Variants in WRNIP1 observed in about 807,000 individuals in gnomAD.
The protein encoded by WRNIP1 is WRN helicase interacting protein 1, also known as ATPase WRNIP1.
Under a neutral mutation model 56.1 loss-of-function variants are expected in WRNIP1, and 41 were observed. The observed-to-expected ratio is 0.73, with a 90% CI of 0.57 to 0.95. WRNIP1 has a LOEUF of 0.95. Ranked by LOEUF, WRNIP1 falls within the 40% of genes least tolerant of loss-of-function variation. The pLI, the probability that WRNIP1 is intolerant of heterozygous loss-of-function variation, is 0.00. For synonymous variants in WRNIP1, 547 were observed against 398.1 expected (o/e 1.37, Z -4.45); for missense variants, 1,170 against 939.4 (o/e 1.25, Z -3.21).
At chr6:2,782,157 C>T (rs569040714) in intron 4 of WRNIP1, among the ~76,000 whole-genome samples, 39 of 152,356 alleles carry the variant, frequency 2.6e-4, no homozygotes, top group Admixed American at 2.1e-3. Context: ...TGCAGAGGAG[C>T]AGAGCGTAGC....
Position 2,766,380 on chromosome 6 carries a change from G to C in WRNIP1, c.758G>C (p.Arg253Pro), listed in dbSNP as rs142432834. ...SKAVGQDTLL[R>P]SLLETNEIPS... ...GCCGTGGGCCAGGATACCCTGCTGC[G>C]CTCGCTCCTGGAGACCAACGAAATC... is the stretch of plus-strand genomic sequence containing the variant. The change falls in exon 1 of 7, where the codon CGC becomes CCC. Residue 253 changes from arginine (R) to proline (P), a missense_variant. By Grantham distance (103) the Arg-to-Pro change is moderately radical. Transcript: ENST00000380773. The C allele has an allele frequency of 1.2e-6, 2 of 1,608,432 alleles. No homozygotes were observed. Among genetic ancestry groups the C allele is most frequent in the Admixed American group, 3.4e-5 (2 of 59,638 alleles).
intron 5 of WRNIP1, 91 bp downstream of exon 5, chr6:2,783,652 T>TTTTTTTTG (rs66922811): frequency 7.9e-6 from 4 of 507,778 alleles, no homozygotes; most frequent in Non-Finnish European, 8.7e-6. Context: ...TTTTTTTTTT[T>TTTTTTTTG]TGCAGGGCGG....
In WRNIP1 at chr6:2,784,354, CGGTT is replaced by C; in HGVS notation, c.1675_1678del (p.Val559LeufsTer9). 1 of 1,614,038 alleles carries C rather than the reference CGGTT, an allele frequency of 6.2e-7. No individual in the cohort carries two copies. The highest frequency in any genetic ancestry group is 8.5e-7 in the Non-Finnish European group (1 of 1,179,940). ...GCAGACCCGTCTGCGTTAACACAAGCGGTTGCTGCCTACCAAGGCTGTCATTTTA... is the reference window on the plus strand; with the variant it reads ...GCAGACCCGTCTGCGTTAACACAAGCGCTGCCTACCAAGGCTGTCATTTTA... On this transcript the variant is annotated frameshift_variant, in exon 6 of 7. Coordinates refer to ENST00000380773, the MANE Select transcript of WRNIP1 (RefSeq NM_020135.3). LOFTEE classifies it high-confidence loss of function.
At chr6:2,776,913 T>C (rs1352424758) in intron 3 of WRNIP1, among the ~76,000 whole-genome samples, 1 of 152,228 alleles carries the variant, frequency 6.6e-6, no homozygotes, top group Non-Finnish European at 1.5e-5. Context: ...TTTTTAAAAT[T>C]TAATGTAAAT....
Position 2,770,294 on chromosome 6 carries a change from G to C in WRNIP1, c.1189G>C (p.Gly397Arg), listed in dbSNP as rs1450722370. ...TILMRAINSL[G>R]IHVLDSSRPT... is the part of the protein sequence containing the mutation. ...TTTAATGCGAGCGATCAACTCCCTG[G>C]GAATCCACGTCCTAGACTCTAGCCG... Residue 397 changes from glycine to arginine, a missense_variant, in exon 3 of 7, where the codon GGA (glycine) becomes CGA (arginine). Coordinates refer to ENST00000380773, the MANE Select transcript of WRNIP1 (RefSeq NM_020135.3). 6.2e-7 allele frequency: 1 copy of C among 1,614,084 alleles called. No homozygotes were observed. The highest frequency in any genetic ancestry group is 1.1e-5 in the South Asian group (1 of 91,070).
chr6:2,765,790 C>T lies in WRNIP1; in HGVS notation c.168C>T (p.Arg56=), dbSNP rs2113437145. The change falls in exon 1 of 7, where the codon CGC becomes CGT. Residue 56 remains arginine (R), a synonymous_variant. Transcript: ENST00000380773. The part of the protein sequence containing the change: ...GHAEPAAGSH[R]AGERAKGPSP... ...CGGAGCCCGCGGCCGGGTCGCACCGCGCCGGGGAGCGGGCCAAGGGGCCCT... is the reference window on the plus strand; with the variant it reads ...CGGAGCCCGCGGCCGGGTCGCACCGTGCCGGGGAGCGGGCCAAGGGGCCCT... 3 of 1,416,702 alleles carry T rather than the reference C, an allele frequency of 2.1e-6. No homozygotes were observed. The highest frequency in any genetic ancestry group is 1.5e-5 in the African/African-American group (1 of 67,444). The allele number at this position is 1,416,702 out of a possible 1,614,324, so 87.8% of individuals were successfully genotyped here.
In WRNIP1 at chr6:2,766,294, C is replaced by T; in HGVS notation, c.672C>T (p.Gly224=). 1.2e-6 allele frequency: 2 copies of T among 1,601,654 alleles called. No individual in the cohort carries two copies. The highest frequency in any genetic ancestry group is 1.7e-6 in the Non-Finnish European group (2 of 1,175,540). ...AAEEIRQMLQ[G]KPLADTMRPD... ...AGGAGATCCGACAGATGCTACAGGG[C>T]AAGCCGCTGGCCGACACGATGCGTC... is the stretch of plus-strand genomic sequence containing the variant. Residue 224 remains glycine, a synonymous_variant, in exon 1 of 7, where the codon GGC becomes GGT. Coordinates refer to ENST00000380773, the MANE Select transcript of WRNIP1 (RefSeq NM_020135.3).
rs139558660 is a variant in WRNIP1, at chr6:2,779,373, G to T, written c.1367G>T (p.Ser456Ile). The change falls in exon 4 of 7, where the codon AGC (serine) becomes ATC (isoleucine). Residue 456 changes from serine to isoleucine, a missense_variant. Physicochemically the swap from Ser to Ile is moderately radical, Grantham distance 142 (BLOSUM62 -2). Transcript: ENST00000380773. The stretch of plus-strand genomic sequence containing the variant: ...CAGCTGGCGGTGCTGGCTAGGTTAA[G>T]CTCTAGGAAGATGTTCTGTAAGAAG... ...GLQLAVLARL[S>I]SRKMFCKKSG... is the part of the protein sequence containing the mutation. 6.2e-6 allele frequency: 10 copies of T among 1,614,216 alleles called. No individual in the cohort carries two copies. The South Asian group carries it at 9.9e-5, about 16-fold the overall frequency.
In WRNIP1 at chr6:2,765,977, G is replaced by C; in HGVS notation, c.355G>C (p.Gly119Arg). 7.1e-7 allele frequency: 1 copy of C among 1,402,712 alleles called. No homozygotes were observed. The highest frequency in any genetic ancestry group is 9.3e-7 in the Non-Finnish European group (1 of 1,076,886). The allele number at this position is 1,402,712 out of a possible 1,614,324, so 86.9% of individuals were successfully genotyped here. ...CTACGACGCGCCGCCCACACCCAGCGGCGCCCGCCTTATCCCCGACTTCCC... is the reference window on the plus strand; with the variant it reads ...CTACGACGCGCCGCCCACACCCAGCCGCGCCCGCCTTATCCCCGACTTCCC... Reference protein sequence around the residue: ...ESYDAPPTPSGARLIPDFPVA... With the variant: ...ESYDAPPTPSRARLIPDFPVA... Residue 119 changes from glycine (G) to arginine (R), a missense_variant, in exon 1 of 7, where the codon GGC becomes CGC. Transcript: ENST00000380773.
chr6:2,782,570 A>G (rs1228846682), intron 4 of WRNIP1, among the ~76,000 whole-genome samples: 7 of 152,222 alleles, frequency 4.6e-5, no homozygotes, highest in Admixed American at 2.6e-4. Flanking sequence ...ACTCACGGGA[A>G]CACCATCCTC....
chr6:2,779,534 G>T, intron 4 of WRNIP1, 42 bp downstream of exon 4: 1 of 1,574,728 alleles, frequency 6.4e-7, no homozygotes, highest in Non-Finnish European at 8.6e-7. Flanking sequence ...CATACGGAAA[G>T]AAGTGTGTGC....
chr6:2,774,341 G>T, intron 3 of WRNIP1: 1 of 945,170 alleles, frequency 1.1e-6, no homozygotes. Flanking sequence ...TATCCTCACA[G>T]TTCTGAAAGC....
chr6:2,768,731 A>G lies in WRNIP1; in HGVS notation c.863A>G (p.His288Arg), dbSNP rs77289107. 8.3e-3 allele frequency: 13,439 copies of G among 1,613,102 alleles called. 79 individuals are homozygous for G. The highest frequency in any genetic ancestry group is 9.9e-3 in the Non-Finnish European group (11,648 of 1,179,436). ...AHIIASNSKK[H>R]SIRFVTLSAT... Reference sequence around the variant, plus strand: ...ATCATAGCCAGCAACAGCAAGAAACATAGCATAAGGTTTGTGACATTATCT... The same window carrying G: ...ATCATAGCCAGCAACAGCAAGAAACGTAGCATAAGGTTTGTGACATTATCT... Residue 288 changes from histidine (H) to arginine (R), a missense_variant, in exon 2 of 7, where the codon CAT (histidine) becomes CGT (arginine). His to Arg is a conservative substitution (Grantham distance 29). Coordinates refer to ENST00000380773, the MANE Select transcript of WRNIP1 (RefSeq NM_020135.3).
At chr6:2,767,225 A>G (rs1343768620) in intron 1 of WRNIP1, among the ~76,000 whole-genome samples, 1 of 152,216 alleles carries the variant, frequency 6.6e-6, no homozygotes, top group East Asian at 1.9e-4. Context: ...AAAACACTTG[A>G]GAAAAAAATG....
rs958879179 is a variant in WRNIP1, at chr6:2,766,126, C to T, written c.504C>T (p.Ala168=). ...CGGAGGCGCAGGAGGAGGAGGAGGC[C>T]GTGGGCGACGGCGATGGCGACGGGG... is the stretch of plus-strand genomic sequence containing the variant. ...DEAEAQEEEE[A]VGDGDGDGDA... The change falls in exon 1 of 7, where the codon GCC becomes GCT. Residue 168 remains alanine (A), a synonymous_variant. Transcript: ENST00000380773. 11 of 1,324,974 alleles carry T rather than the reference C, an allele frequency of 8.3e-6. No homozygotes were observed. Among genetic ancestry groups the T allele is most frequent in the South Asian group, 4.3e-5 (2 of 46,294 alleles). The allele number at this position is 1,324,974 out of a possible 1,614,324, so 82.1% of individuals were successfully genotyped here.
Position 2,770,486 on chromosome 6 carries a change from C to G in WRNIP1, c.1256+125C>G, listed in dbSNP as rs1017156253. ...GACAGAGAAGAAATGTTGATCCGCCCGTAATGAAAATAAAAGAGGAGGGAA... is the reference window on the plus strand; with the variant it reads ...GACAGAGAAGAAATGTTGATCCGCCGGTAATGAAAATAAAAGAGGAGGGAA... On this transcript the variant is annotated intron_variant, in intron 3 of 6. Transcript: ENST00000380773. The G allele has an allele frequency of 6.7e-6, 9 of 1,340,066 alleles. No individual in the cohort carries two copies. The Admixed American group carries it at 1.1e-4, about 16-fold the overall frequency. 83.0% of individuals were successfully genotyped at this position (1,340,066 alleles called of 1,614,324 possible).
chr6:2,768,996 G>C (rs1374891015), intron 2 of WRNIP1, 114 bp downstream of exon 2: 1 of 1,105,180 alleles, frequency 9.0e-7, no homozygotes, highest in Non-Finnish European at 1.3e-6. Flanking sequence ...AAGAAGCGTA[G>C]GCTTGTGAAC....
At position 2,784,387 on chromosome 6, in the gene WRNIP1, G is replaced by C; in HGVS notation, c.1706G>C (p.Gly569Ala). Residue 569 changes from glycine (G) to alanine (A), a missense_variant, in exon 6 of 7, where the codon GGC becomes GCC. By Grantham distance (60) the Gly-to-Ala change is moderately conservative (BLOSUM62 0). Transcript: ENST00000380773. The part of the protein sequence containing the change: ...VAAYQGCHFI[G>A]MPECEVLLAQ... ...GCCTACCAAGGCTGTCATTTTATAG[G>C]CATGCCTGAATGTGAGGTAAAGTAA... 1 of 1,614,060 alleles carries C rather than the reference G, an allele frequency of 6.2e-7. No individual in the cohort carries two copies. Among genetic ancestry groups the C allele is most frequent in the Non-Finnish European group, 8.5e-7 (1 of 1,179,932 alleles).
chr6:2,783,332 A>C lies in WRNIP1; in HGVS notation c.1487-74A>C, dbSNP rs551921072. ...TATTCGTTCAGGCTTTCTGGAAGTC[A>C]GCTGGCGGAGGTGAAGATGGCTTGG... On this transcript the variant is annotated intron_variant, in intron 4 of 6. Transcript: ENST00000380773. 1.2e-5 allele frequency: 17 copies of C among 1,444,912 alleles called. No homozygotes were observed. In the South Asian group the frequency reaches 2.0e-4, roughly 17 times the overall value. The allele number at this position is 1,444,912 out of a possible 1,614,324, so 89.5% of individuals were successfully genotyped here.
Sources: allele counts gnomAD v4.1 joint callset (sites outside exome capture counted in the v4.1 genomes callset), GRCh38; gene constraint gnomAD v4.1.1; transcripts MANE v1.5; gene names NCBI Gene and HGNC (gene_info 2026-07-23, HGNC 2026-07-21).